The following TERT variants were observed in gnomAD, a reference collection of about 807,000 sequenced individuals.
TERT encodes telomerase reverse transcriptase.
A neutral mutation model predicts 104.0 loss-of-function variants in TERT; 42 were observed. The ratio of observed to expected loss-of-function variants is 0.40; its 90% CI spans 0.32 to 0.52. TERT has a LOEUF of 0.52. TERT is among the 20% of genes least tolerant of loss of function. The probability of loss-of-function intolerance (pLI) is 0.43; values close to 1 mark genes in which losing one functional copy is unlikely to be tolerated. For synonymous variants in TERT, 781 were observed against 725.6 expected (o/e 1.08, Z -1.23); for missense variants, 1,101 against 1,610.3 (o/e 0.68, Z 5.41).
At chr5:1,259,252 TGCAGATGCCCACAGGAGAGGGAGTGGAC>T (rs1747999640) in intron 12 of TERT, among the ~76,000 whole-genome samples, 1 of 102,428 alleles carries the variant, frequency 9.8e-6, no homozygotes, top group South Asian at 3.6e-4. Context: ...ATGGAGTGGA[TGCAGATGCCCACAGGAGAGGGAGTGGAC>T]GCGGATGCCC....
rs970113624 is a variant in TERT, at chr5:1,261,126, C to T, written c.2844-526G>A. 3.4e-4 allele frequency among the ~76,000 whole-genome samples: 52 copies of T among 152,200 alleles called. No homozygotes were observed. The highest frequency in any genetic ancestry group is 1.1e-3 in the African/African-American group (44 of 41,448). ...GAGGGGCAGGATGGAGGCATCCCAC[C>T]GATGTCCTCCAGGGCCTCACCACCA... is the stretch of plus-strand genomic sequence containing the variant. On this transcript the variant is annotated intron_variant, in intron 11 of 15. Transcript: ENST00000310581. The surrounding 1 kb of genome is among the most constrained non-coding windows in gnomAD (Gnocchi z 7.4).
Position 1,292,906 on chromosome 5 carries a change from G to A in TERT, c.1573+407C>T, listed in dbSNP as rs934030822. ...TACCTCCCACCCCCAGGAAGAGGGG[G>A]TTCTCGTCCCCACCTCTCATTCCCA... On this transcript the variant is annotated intron_variant, in intron 2 of 15. Coordinates refer to ENST00000310581, the MANE Select transcript of TERT (RefSeq NM_198253.3). This position sits in a 1 kb window ranked among gnomAD's most constrained non-coding sequence, Gnocchi z 5.5. 6.6e-6 allele frequency among the ~76,000 whole-genome samples: 1 copy of A among 152,216 alleles called. No homozygotes were observed. Among genetic ancestry groups the A allele is most frequent in the Non-Finnish European group, 1.5e-5 (1 of 68,038 alleles).
chr5:1,264,160 T>C, intron 11 of TERT: 1 of 566,078 alleles, frequency 1.8e-6, no homozygotes, highest in Non-Finnish European at 3.2e-6. Flanking sequence ...TGCACCCAGG[T>C]CTGGTGCACC....
At chr5:1,277,424 A>C (rs1476639632) in intron 6 of TERT, among the ~76,000 whole-genome samples, 1 of 152,180 alleles carries the variant, frequency 6.6e-6, no homozygotes, top group East Asian at 1.9e-4. Context: ...CGAGTTCCAC[A>C]ACGGATGCCA....
Position 1,271,215 on chromosome 5 carries a change from A to C in TERT, c.2383-11T>G. On this transcript the variant is annotated splice_polypyrimidine_tract_variant and intron_variant, in intron 7 of 15. Transcript: ENST00000310581. ...ATTCAGGGAGGAGCTCTGCGAAAGC[A>C]GACGGGAGACACATGGGAGTGAGCC... 3 of 1,606,770 alleles carry C rather than the reference A, an allele frequency of 1.9e-6. No individual in the cohort carries two copies. The highest frequency in any genetic ancestry group is 2.6e-6 in the Non-Finnish European group (3 of 1,174,312).
At chr5:1,275,405 AAAGAAAGC>A (rs1339167718) in intron 6 of TERT, among the ~76,000 whole-genome samples, 1,554 of 151,832 alleles carry the variant, frequency 0.01, 37 homozygotes, top group African/African-American at 0.035. Flanking sequence ...AGAAAAAAAG[AAAGAAAGC>A]AAGCCTCCAA....
In TERT at chr5:1,294,136, G is replaced by C. The variant is rs761741087; in HGVS notation, c.750C>G (p.Pro250=). 12 of 1,581,966 alleles carry C rather than the reference G, an allele frequency of 7.6e-6. No homozygotes were observed. Among genetic ancestry groups the C allele is most frequent in the Non-Finnish European group, 8.6e-6 (10 of 1,166,518 alleles). ...RGAAPEPERT[P]VGQGSWAHPG... is the part of the protein sequence containing the mutation. The stretch of plus-strand genomic sequence containing the variant: ...GGTGGGCCCAGGACCCCTGCCCAAC[G>C]GGCGTCCGCTCCGGCTCAGGGGCAG... The change falls in exon 2 of 16, where the codon CCC becomes CCG. Residue 250 remains proline (P), a synonymous_variant. Coordinates refer to ENST00000310581, the MANE Select transcript of TERT (RefSeq NM_198253.3).
rs11291391 is a variant in TERT, at chr5:1,287,497, C to CAAA, written c.1574-4876_1574-4874dup. Among the ~76,000 whole-genome samples the CAAA allele has an allele frequency of 5.3e-3, 719 of 136,052 alleles. 9 individuals are homozygous for CAAA. Among genetic ancestry groups the CAAA allele is most frequent in the African/African-American group, 0.019 (689 of 36,152 alleles). The allele number at this position is 136,052 out of a possible 152,430, so 89.3% of individuals were successfully genotyped here. Reference sequence around the variant, plus strand: ...TGGGCGACAGACCAAGACTCTGTCTCAAAAAAAAAAAATATATATATATAT... The same window carrying CAAA: ...TGGGCGACAGACCAAGACTCTGTCTCAAAAAAAAAAAAAAATATATATATATAT... On this transcript the variant is annotated intron_variant, in intron 2 of 15. Coordinates refer to ENST00000310581, the MANE Select transcript of TERT (RefSeq NM_198253.3). This position sits in a 1 kb window ranked among gnomAD's most constrained non-coding sequence, Gnocchi z 4.3.
chr5:1,280,867 C>T (rs1749975936), intron 3 of TERT, among the ~76,000 whole-genome samples: 1 of 152,248 alleles, frequency 6.6e-6, no homozygotes, highest in South Asian at 2.1e-4. Context: ...TGGCCTTTTC[C>T]CCCAAAACCA....
chr5:1,258,872 C>T (rs759222965), intron 12 of TERT, among the ~76,000 whole-genome samples: 17 of 152,222 alleles, frequency 1.1e-4, no homozygotes, highest in Admixed American at 7.2e-4. Flanking sequence ...TGCCTGCCCC[C>T]GAGGCTCGGC....
At chr5:1,267,326 T>TA (rs1008951550) in intron 9 of TERT, among the ~76,000 whole-genome samples, 5 of 152,128 alleles carry the variant, frequency 3.3e-5, no homozygotes, top group Non-Finnish European at 7.4e-5. Flanking sequence ...ACTATTTTCA[T>TA]AAAAAAATAA....
chr5:1,258,481 G>A (rs1206244384), intron 13 of TERT, 117 bp downstream of exon 13: 8 of 919,036 alleles, frequency 8.7e-6, no homozygotes, highest in Admixed American at 4.0e-5. Context: ...CACTGAAAAC[G>A]TAAGACATTC....
chr5:1,268,438 G>T lies in TERT; in HGVS notation c.2582+82C>A. ...CAAGACAGAGCAGTCATGGTCTCCA[G>T]AGCACCAGGAATATTAACACTGAAT... On this transcript the variant is annotated intron_variant, in intron 9 of 15. Transcript: ENST00000310581. The surrounding 1 kb of genome is among the most constrained non-coding windows in gnomAD (Gnocchi z 5.5). The T allele has an allele frequency of 9.1e-7, 1 of 1,093,970 alleles. No individual in the cohort carries two copies. Among genetic ancestry groups the T allele is most frequent in the Non-Finnish European group, 1.4e-6 (1 of 730,176 alleles). 67.8% of individuals were successfully genotyped at this position (1,093,970 alleles called of 1,614,324 possible).
Position 1,280,329 on chromosome 5 carries a change from C to A in TERT, c.1779G>T (p.Leu593Phe), listed in dbSNP as rs199585924. Residue 593 changes from leucine (L) to phenylalanine (F), a missense_variant, in exon 4 of 16, where the codon TTG becomes TTT. This residue lies in a region of TERT where 463 missense variants were observed against 797.5 expected (regional missense o/e 0.58). Transcript: ENST00000310581. ...ACAGCTCCCGCAGCTGCACCCTCTT[C>A]AAGTGCTGTCTGCAATAGAGAGCCC... ...KLQSIGIRQH[L>F]KRVQLRELSE... The A allele has an allele frequency of 3.1e-6, 5 of 1,613,170 alleles. No homozygotes were observed. Among genetic ancestry groups the A allele is most frequent in the Admixed American group, 3.3e-5 (2 of 60,016 alleles).
At chr5:1,285,997 C>T (rs1023832671) in intron 2 of TERT, among the ~76,000 whole-genome samples, 6 of 152,186 alleles carry the variant, frequency 3.9e-5, no homozygotes, top group South Asian at 2.1e-4. Flanking sequence ...CAGGCAGCAC[C>T]GTCAGAGCTG....
At position 1,287,046 on chromosome 5, in the gene TERT, G is replaced by A. The variant is rs1206265047; in HGVS notation, c.1574-4422C>T. Among the ~76,000 whole-genome samples the A allele has an allele frequency of 6.6e-6, 1 of 152,174 alleles. No homozygotes were observed. Among genetic ancestry groups the A allele is most frequent in the East Asian group, 1.9e-4 (1 of 5,196 alleles). ...GTGAGAAACAAGGGAACGAGGACAT[G>A]CAACAGGCAAGTGGAGAATCAGAGT... is the stretch of plus-strand genomic sequence containing the variant. On this transcript the variant is annotated intron_variant, in intron 2 of 15. Coordinates refer to ENST00000310581, the MANE Select transcript of TERT (RefSeq NM_198253.3). The surrounding 1 kb of genome is among the most constrained non-coding windows in gnomAD (Gnocchi z 4.3).
intron 7 of TERT, among the ~76,000 whole-genome samples, chr5:1,271,504 G>C (rs1749032279): frequency 6.6e-6 from 1 of 152,184 alleles, no homozygotes; most frequent in African/African-American, 2.4e-5. Context: ...TTGCTGCCCA[G>C]CTGCCGGGCA....
At chr5:1,284,455 C>T (rs1228977243) in intron 2 of TERT, among the ~76,000 whole-genome samples, 1 of 110,610 alleles carries the variant, frequency 9.0e-6, no homozygotes, top group Non-Finnish European at 2.0e-5. Context: ...GACCTCACCC[C>T]GGACCGGCAC....
rs987708244 is a variant in TERT, at chr5:1,262,348, T to C, written c.2844-1748A>G. On this transcript the variant is annotated intron_variant, in intron 11 of 15. Coordinates refer to ENST00000310581, the MANE Select transcript of TERT (RefSeq NM_198253.3). The surrounding 1 kb of genome is among the most constrained non-coding windows in gnomAD (Gnocchi z 5.6). ...GAGATAGGGCTTCCGTTTTGTTCTATTGTTCTGTCCATCAGTTCTGACCAC... is the reference window on the plus strand; with the variant it reads ...GAGATAGGGCTTCCGTTTTGTTCTACTGTTCTGTCCATCAGTTCTGACCAC... 3.3e-5 allele frequency among the ~76,000 whole-genome samples: 5 copies of C among 152,252 alleles called. No homozygotes were observed. The highest frequency in any genetic ancestry group is 1.9e-4 in the East Asian group (1 of 5,202).
Sources: gnomAD v4.1 joint callset for allele counts (sites outside exome capture counted in the v4.1 genomes callset) on GRCh38, gnomAD v4.1.1 for gene constraint, gnomAD v4.1.1 regional missense constraint, Gnocchi (gnomAD v3.1) non-coding constraint, MANE v1.5 for transcripts, NCBI Gene and HGNC (gene_info 2026-07-23, HGNC 2026-07-21) for gene names.